Variants in EVI5 observed in about 807,000 individuals in gnomAD.
The protein encoded by EVI5 is ecotropic viral integration site 5, also known as ecotropic viral integration site 5 protein homolog.
Under a neutral mutation model 112.0 loss-of-function variants are expected in EVI5, and 73 were observed. The ratio of observed to expected loss-of-function variants is 0.65; its 90% confidence interval spans 0.54 to 0.79. The LOEUF is 0.79. Ranked by LOEUF, EVI5 falls within the 30% of genes least tolerant of loss-of-function variation. The pLI is 0.00. For missense variants in EVI5, 900 were observed against 968.8 expected (o/e 0.93, Z 0.94); for synonymous variants, 305 against 319.9 (o/e 0.95, Z 0.50).
rs1659014442 is a variant in EVI5, at chr1:92,508,810, CTT to C, written c.*4844_*4845del. The C allele has an allele frequency of 6.6e-6, 1 of 152,566 alleles. No homozygotes were observed. The highest frequency in any genetic ancestry group is 2.4e-5 in the African/African-American group (1 of 41,444). 9.5% of individuals were successfully genotyped at this position (152,566 alleles called of 1,614,324 possible). ...AATAGCAAAATGAAACACATTATAACTTTGCTTCTTGGTAGTATACTGAATGT... is the reference window on the plus strand; with the variant it reads ...AATAGCAAAATGAAACACATTATAACTGCTTCTTGGTAGTATACTGAATGT... On this transcript the variant is annotated 3_prime_UTR_variant, in exon 20 of 20. Transcript: ENST00000684568.
At chr1:92,632,305 T>C (rs1201676608) in intron 14 of EVI5, among the ~76,000 whole-genome samples, 1 of 152,218 alleles carries the variant, frequency 6.6e-6, no homozygotes, top group Non-Finnish European at 1.5e-5. Flanking sequence ...TGAATCCATC[T>C]GGTCCTGGAC....
intron 19 of EVI5, among the ~76,000 whole-genome samples, chr1:92,548,057 T>C (rs1378191494): frequency 6.6e-6 from 1 of 152,146 alleles, no homozygotes; most frequent in Non-Finnish European, 1.5e-5. Context: ...AAGAAAATTT[T>C]AGACCAATAT....
intron 1 of EVI5, among the ~76,000 whole-genome samples, chr1:92,771,155 C>A (rs560007175): frequency 1.2e-4 from 19 of 152,068 alleles, no homozygotes; most frequent in African/African-American, 4.3e-4. Context: ...ACATTCCAGC[C>A]GCTTCCTCCC....
intron 19 of EVI5, among the ~76,000 whole-genome samples, chr1:92,559,548 C>A (rs573871054): frequency 1.3e-5 from 2 of 151,728 alleles, no homozygotes; most frequent in South Asian, 2.1e-4. Context: ...CTGAGGCAGG[C>A]GGATCACAAG....
chr1:92,654,439 G>A (rs1662676696), intron 13 of EVI5, among the ~76,000 whole-genome samples: 1 of 152,056 alleles, frequency 6.6e-6, no homozygotes, highest in South Asian at 2.1e-4. Flanking sequence ...ACCACACAAA[G>A]GCTATCTATA....
chr1:92,610,938 G>T (rs1651618875), intron 16 of EVI5, among the ~76,000 whole-genome samples: 1 of 151,060 alleles, frequency 6.6e-6, no homozygotes, highest in African/African-American at 2.4e-5. Context: ...CACACTCTGG[G>T]GACTGTTGTG....
At chr1:92,726,100 T>C (rs1405657631) in intron 2 of EVI5, among the ~76,000 whole-genome samples, 1 of 152,192 alleles carries the variant, frequency 6.6e-6, no homozygotes, top group Non-Finnish European at 1.5e-5. Flanking sequence ...AATATGTGTG[T>C]ACTTAGAGTC....
At chr1:92,759,667 A>G (rs1333277656) in intron 1 of EVI5, among the ~76,000 whole-genome samples, 1 of 152,088 alleles carries the variant, frequency 6.6e-6, no homozygotes, top group Non-Finnish European at 1.5e-5. Context: ...TGACTCTATG[A>G]ATTTGCCTAT....
At chr1:92,600,906 T>C (rs1360478448) in intron 18 of EVI5, among the ~76,000 whole-genome samples, 1 of 152,136 alleles carries the variant, frequency 6.6e-6, no homozygotes, top group African/African-American at 2.4e-5. Flanking sequence ...GGGTATAGTT[T>C]GTAAAAGCCA....
At chr1:92,685,641 T>C (rs1035664264) in intron 9 of EVI5, among the ~76,000 whole-genome samples, 5 of 151,792 alleles carry the variant, frequency 3.3e-5, no homozygotes, top group Non-Finnish European at 7.4e-5. Flanking sequence ...ATTAACAAAA[T>C]AGACCACTAG....
At chr1:92,570,211 A>G (rs536973212) in intron 18 of EVI5, among the ~76,000 whole-genome samples, 2 of 152,372 alleles carry the variant, frequency 1.3e-5, no homozygotes, top group Admixed American at 1.3e-4. Context: ...CTGAGTAAGC[A>G]TGTCAGTAAA....
At chr1:92,672,902 T>C (rs1175856898) in intron 10 of EVI5, among the ~76,000 whole-genome samples, 2 of 152,218 alleles carry the variant, frequency 1.3e-5, no homozygotes, top group Non-Finnish European at 2.9e-5. Context: ...GTGTATATAC[T>C]GAAGAATACA....
intron 14 of EVI5, among the ~76,000 whole-genome samples, chr1:92,630,220 C>A (rs1340372847): frequency 1.3e-5 from 2 of 152,160 alleles, no homozygotes; most frequent in African/African-American, 4.8e-5. Context: ...ATTTCTAGTT[C>A]TAGATCCCTG....
chr1:92,752,806 A>T (rs1680390595), intron 1 of EVI5, among the ~76,000 whole-genome samples: 1 of 152,130 alleles, frequency 6.6e-6, no homozygotes, highest in Non-Finnish European at 1.5e-5. Flanking sequence ...TTCTATGAGC[A>T]TCAAGCAGTG....
chr1:92,625,303 TA>T lies in EVI5; in HGVS notation c.1668+490del, dbSNP rs554173284. On this transcript the variant is annotated intron_variant, in intron 15 of 19. Transcript: ENST00000684568. ...TCAAGGCCTAATTTCGGTCCTTATA[TA>T]GAATATGTATTTTGTTCCTTGTCAA... 1.7e-3 allele frequency among the ~76,000 whole-genome samples: 258 copies of T among 152,320 alleles called. 1 individual carries two copies. The highest frequency in any genetic ancestry group is 5.5e-3 in the African/African-American group (230 of 41,592).
chr1:92,622,484 C>T (rs1346916551), intron 16 of EVI5: 2 of 191,010 alleles, frequency 1.0e-5, no homozygotes, highest in Non-Finnish European at 2.2e-5. Flanking sequence ...GAGAGTGGAT[C>T]AATAAATTGA....
chr1:92,605,292 A>C lies in EVI5; in HGVS notation c.2070+15T>G. ...ACTATATTTTTACATGTACTTTATT[A>C]TTTTCATATGGTACCTGGATTTCAA... On this transcript the variant is annotated intron_variant, in intron 18 of 19. Transcript: ENST00000684568. The C allele has an allele frequency of 6.5e-7, 1 of 1,543,624 alleles. No homozygotes were observed. The highest frequency in any genetic ancestry group is 1.7e-5 in the Admixed American group (1 of 59,518).
intron 1 of EVI5, among the ~76,000 whole-genome samples, chr1:92,737,971 G>A (rs1031449094): frequency 6.6e-6 from 1 of 152,026 alleles, no homozygotes; most frequent in Non-Finnish European, 1.5e-5. Context: ...TGATATTATA[G>A]AAAGGATCAG....
chr1:92,613,941 T>A (rs1387000043), intron 16 of EVI5, among the ~76,000 whole-genome samples: 4 of 152,140 alleles, frequency 2.6e-5, no homozygotes, highest in Non-Finnish European at 4.4e-5. Flanking sequence ...CCCCTCCAAC[T>A]CTTCTGTAAT....
Sources: gnomAD v4.1 joint callset for allele counts (sites outside exome capture counted in the v4.1 genomes callset) on GRCh38, gnomAD v4.1.1 for gene constraint, MANE v1.5 for transcripts, NCBI Gene and HGNC (gene_info 2026-07-23, HGNC 2026-07-21) for gene names.